The following SNTG2 variants were observed in gnomAD, a reference collection of about 807,000 sequenced individuals.
SNTG2 encodes the protein gamma-2-syntrophin.
A neutral mutation model predicts 70.9 loss-of-function variants in SNTG2; 74 were observed. The observed-to-expected ratio is 1.04, with a 90% CI of 0.86 to 1.27. The LOEUF (loss-of-function observed/expected upper bound fraction) is 1.27, where lower values mean the gene tolerates loss of function less well. Among genes scored for constraint, SNTG2 ranks in the 50% most tolerant of loss-of-function variants. SNTG2 has a pLI of 0.00. For missense variants in SNTG2, 717 were observed against 690.7 expected (o/e 1.04, Z -0.43); for synonymous variants, 278 against 273.8 (o/e 1.02, Z -0.15).
At chr2:1,312,556 T>C (rs942832385) in intron 15 of SNTG2, among the ~76,000 whole-genome samples, 1 of 152,176 alleles carries the variant, frequency 6.6e-6, no homozygotes, top group African/African-American at 2.4e-5. Context: ...GGATGGAGCC[T>C]GGCCATACGT....
intron 1 of SNTG2, among the ~76,000 whole-genome samples, chr2:1,083,052 C>T (rs1044594842): frequency 5.3e-5 from 8 of 152,116 alleles, no homozygotes; most frequent in Non-Finnish European, 7.3e-5. Context: ...CTGAGAAGGC[C>T]GCTTCCTCCT....
At chr2:1,140,610 GAAC>G (rs1043966187) in intron 6 of SNTG2, among the ~76,000 whole-genome samples, 1 of 152,264 alleles carries the variant, frequency 6.6e-6, no homozygotes, top group Non-Finnish European at 1.5e-5. Flanking sequence ...GCAGGGCGCA[GAAC>G]AACAGCCTGG....
chr2:1,365,151 C>T (rs536019554), intron 16 of SNTG2, among the ~76,000 whole-genome samples: 32 of 152,082 alleles, frequency 2.1e-4, no homozygotes, highest in African/African-American at 3.6e-4. Context: ...TACAGTCTCA[C>T]GCTTTGGGTA....
At chr2:1,196,002 T>C (rs932516478) in intron 8 of SNTG2, among the ~76,000 whole-genome samples, 1 of 152,306 alleles carries the variant, frequency 6.6e-6, no homozygotes, top group African/African-American at 2.4e-5. Flanking sequence ...TATAATAGTT[T>C]GAGTTTGGAA....
intron 6 of SNTG2, among the ~76,000 whole-genome samples, chr2:1,147,484 C>A (rs1378261188): frequency 6.6e-6 from 1 of 152,184 alleles, no homozygotes; most frequent in African/African-American, 2.4e-5. Context: ...TGCTTCCTGC[C>A]CTTGAACATC....
At chr2:986,665 G>A (rs915405137) in intron 1 of SNTG2, among the ~76,000 whole-genome samples, 3 of 152,186 alleles carry the variant, frequency 2.0e-5, no homozygotes, top group Non-Finnish European at 4.4e-5. Flanking sequence ...TCTGTGAAAT[G>A]TCTAGGCAAG....
intron 8 of SNTG2, among the ~76,000 whole-genome samples, chr2:1,204,628 G>A (rs181745014): frequency 6.6e-6 from 1 of 152,306 alleles, no homozygotes; most frequent in African/African-American, 2.4e-5. Flanking sequence ...AGACGGAGGA[G>A]TACAGTAAAT....
At chr2:1,221,263 GTCTGTC>G (rs1367928165) in intron 9 of SNTG2, among the ~76,000 whole-genome samples, 2 of 20,314 alleles carry the variant, frequency 9.8e-5, no homozygotes, top group Admixed American at 3.6e-4. Context: ...TCTCTCAGAG[GTCTGTC>G]TCTGTCTCTG....
chr2:992,471 A>G (rs574745748), intron 1 of SNTG2, among the ~76,000 whole-genome samples: 2 of 128,512 alleles, frequency 1.6e-5, no homozygotes, highest in East Asian at 1.9e-4. Flanking sequence ...AATTTCAAAA[A>G]TAAATGAAAT....
chr2:1,316,717 G>T lies in SNTG2; in HGVS notation c.1488+342G>T, dbSNP rs191750198. Among the ~76,000 whole-genome samples, 189 of 134,518 alleles carry T rather than the reference G, an allele frequency of 1.4e-3. 32 individuals carry two copies. The highest frequency in any genetic ancestry group is 8.5e-3 in the Middle Eastern group (2 of 236). The allele number at this position is 134,518 out of a possible 152,430, so 88.2% of individuals were successfully genotyped here. ...TGAGCATCAGGCCAGCATTCGAGAAGGTTGGGATTCTGGAGCACTTAGCAT... is the reference window on the plus strand; with the variant it reads ...TGAGCATCAGGCCAGCATTCGAGAATGTTGGGATTCTGGAGCACTTAGCAT... On this transcript the variant is annotated intron_variant, in intron 16 of 16. Coordinates refer to ENST00000308624, the MANE Select transcript of SNTG2 (RefSeq NM_018968.4).
intron 1 of SNTG2, among the ~76,000 whole-genome samples, chr2:1,027,065 C>T (rs1027591893): frequency 1.3e-5 from 2 of 152,198 alleles, no homozygotes; most frequent in Non-Finnish European, 2.9e-5. Flanking sequence ...CTTGCTGCTG[C>T]AGTTAGTTCT....
At chr2:1,303,631 A>C (rs1279987479) in intron 14 of SNTG2, among the ~76,000 whole-genome samples, 1 of 152,196 alleles carries the variant, frequency 6.6e-6, no homozygotes, top group Non-Finnish European at 1.5e-5. Context: ...TAAAATCAAA[A>C]ACAGAAAAAC....
intron 1 of SNTG2, among the ~76,000 whole-genome samples, chr2:1,031,321 T>A (rs1017268184): frequency 2.0e-5 from 3 of 151,666 alleles, no homozygotes; most frequent in Admixed American, 2.0e-4. Context: ...TTTCTGTTCA[T>A]GCTCCCATTT....
At chr2:1,180,861 A>C (rs1286957366) in intron 8 of SNTG2, among the ~76,000 whole-genome samples, 1 of 152,128 alleles carries the variant, frequency 6.6e-6, no homozygotes, top group African/African-American at 2.4e-5. Flanking sequence ...AATGTGGCAC[A>C]TATGCACCAT....
chr2:1,145,644 A>AT lies in SNTG2; in HGVS notation c.411+7837dup, dbSNP rs1229902969. On this transcript the variant is annotated intron_variant, in intron 6 of 16. Transcript: ENST00000308624. Reference sequence around the variant, plus strand: ...AAACATTACAGCAGAAATTATACCAATTGTCTACAATCACTTTCAGAGAAC... The same window carrying AT: ...AAACATTACAGCAGAAATTATACCAATTTGTCTACAATCACTTTCAGAGAAC... Among the ~76,000 whole-genome samples, 17 of 152,344 alleles carry AT rather than the reference A, an allele frequency of 1.1e-4. 1 individual carries two copies. Among genetic ancestry groups the AT allele is most frequent in the African/African-American group, 4.1e-4 (17 of 41,580 alleles).
intron 1 of SNTG2, among the ~76,000 whole-genome samples, chr2:973,854 A>G (rs1405332202): frequency 6.6e-6 from 1 of 151,992 alleles, no homozygotes; most frequent in Non-Finnish European, 1.5e-5. Flanking sequence ...GCTTTCATTC[A>G]TTTAGTTTTG....
chr2:1,038,398 G>A (rs961224592), intron 1 of SNTG2, among the ~76,000 whole-genome samples: 1 of 152,154 alleles, frequency 6.6e-6, no homozygotes, highest in Non-Finnish European at 1.5e-5. Context: ...TGTAATCCTG[G>A]GATATCTAAA....
chr2:1,363,128 G>GCCCCC lies in SNTG2; in HGVS notation c.1489-4215_1489-4214insCCCCC, dbSNP rs1661289923. Among the ~76,000 whole-genome samples, 2 of 62,896 alleles carry GCCCCC rather than the reference G, an allele frequency of 3.2e-5. 1 individual carries two copies. The highest frequency in any genetic ancestry group is 3.6e-3 in the East Asian group (2 of 562). The allele number at this position is 62,896 out of a possible 152,430, so 41.3% of individuals were successfully genotyped here. On this transcript the variant is annotated intron_variant, in intron 16 of 16. Transcript: ENST00000308624. ...ACTCCTGTGAAACCCTCACAAAATG[G>GCCCCC]ACCCCCCCCATGAAAGAGGAACCAT...
intron 4 of SNTG2, among the ~76,000 whole-genome samples, chr2:1,120,703 A>T (rs914868308): frequency 6.6e-5 from 10 of 152,188 alleles, no homozygotes; most frequent in African/African-American, 2.4e-4. Flanking sequence ...TCAGGAGGAC[A>T]TAACAATCAT....
Sources: allele counts gnomAD v4.1 joint callset (sites outside exome capture counted in the v4.1 genomes callset), GRCh38; gene constraint gnomAD v4.1.1; transcripts MANE v1.5; gene names NCBI Gene and HGNC (gene_info 2026-07-23, HGNC 2026-07-21).